The following TNR variants were observed in gnomAD, a reference collection of about 807,000 sequenced individuals.
TNR encodes the protein tenascin-R.
TNR carries 45 observed loss-of-function variants against 150.4 expected under a neutral mutation model. The ratio of observed to expected loss-of-function variants is 0.30; its 90% CI spans 0.24 to 0.38. The LOEUF is 0.38. TNR is among the 10% of genes least tolerant of loss of function. TNR has a pLI of 1.00. For missense variants in TNR, 1,544 were observed against 1,759.1 expected (o/e 0.88, Z 2.19); for synonymous variants, 687 against 678.4 (o/e 1.01, Z -0.20).
At chr1:175,729,558 A>C (rs113864062) in intron 1 of TNR, among the ~76,000 whole-genome samples, 3 of 151,968 alleles carry the variant, frequency 2.0e-5, no homozygotes, top group Non-Finnish European at 4.4e-5. Context: ...CTCCCAAAAC[A>C]CTGGGATTAC....
chr1:175,447,651 A>G (rs1362037393), intron 2 of TNR, among the ~76,000 whole-genome samples: 1 of 152,206 alleles, frequency 6.6e-6, no homozygotes, highest in Non-Finnish European at 1.5e-5. Context: ...TTTTGGAAAC[A>G]TGATTTCTGT....
At chr1:175,611,621 T>A (rs61805155) in intron 1 of TNR, among the ~76,000 whole-genome samples, 51,315 of 152,058 alleles carry the variant, frequency 0.34, 8,833 homozygotes, top group East Asian at 0.51. Flanking sequence ...GGCATGAGCC[T>A]CTATGCCTGG....
intron 2 of TNR, among the ~76,000 whole-genome samples, chr1:175,447,413 A>C (rs1054534274): frequency 6.6e-6 from 1 of 152,138 alleles, no homozygotes; most frequent in East Asian, 1.9e-4. Context: ...AGGGAAAGGC[A>C]TGGGTCTTAC....
intron 2 of TNR, among the ~76,000 whole-genome samples, chr1:175,413,404 T>G (rs543605958): frequency 6.6e-5 from 10 of 152,362 alleles, no homozygotes; most frequent in South Asian, 6.2e-4. Context: ...TGCTGTGGCA[T>G]GTCTGGAAGT....
intron 1 of TNR, among the ~76,000 whole-genome samples, chr1:175,562,447 C>T (rs966860781): frequency 3.3e-5 from 5 of 152,190 alleles, no homozygotes; most frequent in African/African-American, 1.2e-4. Context: ...ATAATTTAAG[C>T]ACCTCTTGTA....
chr1:175,522,574 T>C (rs756441553), intron 2 of TNR, among the ~76,000 whole-genome samples: 5 of 152,148 alleles, frequency 3.3e-5, no homozygotes, highest in Non-Finnish European at 5.9e-5. Flanking sequence ...AAAAAAAAAT[T>C]GCTTTCTTAA....
In TNR at chr1:175,391,298, G is replaced by A. The variant is rs748427545; in HGVS notation, c.1497C>T (p.Ser499=). The A allele has an allele frequency of 5.6e-6, 9 of 1,613,658 alleles. No homozygotes were observed. Among genetic ancestry groups the A allele is most frequent in the African/African-American group, 1.3e-5 (1 of 74,894 alleles). The part of the protein sequence containing the change: ...EQARSPPTSA[S]VSTVIDGPTQ... ...GTTGGAGGCACTCACCTGTGGAGAC[G>A]CTGGCCGAGGTAGGGGGGCTGCGGG... The change falls in exon 7 of 23, where the codon AGC becomes AGT. Residue 499 remains serine, a synonymous_variant. Transcript: ENST00000367674.
At chr1:175,452,411 G>T (rs1191567523) in intron 2 of TNR, among the ~76,000 whole-genome samples, 1 of 152,262 alleles carries the variant, frequency 6.6e-6, no homozygotes, top group Non-Finnish European at 1.5e-5. Context: ...GGACTGCATG[G>T]GCACAGGGGG....
intron 1 of TNR, among the ~76,000 whole-genome samples, chr1:175,611,292 T>A (rs1571673927): frequency 6.6e-6 from 1 of 152,252 alleles, no homozygotes; most frequent in African/African-American, 2.4e-5. Context: ...TTTATTTTTT[T>A]ATTTTTCTAG....
At chr1:175,480,364 G>A (rs963500955) in intron 2 of TNR, among the ~76,000 whole-genome samples, 2 of 126,970 alleles carry the variant, frequency 1.6e-5, no homozygotes, top group Non-Finnish European at 3.2e-5. Context: ...GAAAGAAAGA[G>A]GGAGAGAGAA....
intron 1 of TNR, among the ~76,000 whole-genome samples, chr1:175,574,401 T>A (rs1317910785): frequency 6.6e-6 from 1 of 151,984 alleles, no homozygotes; most frequent in Non-Finnish European, 1.5e-5. Context: ...AAAAAGAGGA[T>A]CAAATGAAAG....
chr1:175,618,678 A>G (rs1364638490), intron 1 of TNR, among the ~76,000 whole-genome samples: 1 of 152,214 alleles, frequency 6.6e-6, no homozygotes, highest in Non-Finnish European at 1.5e-5. Flanking sequence ...GCCGTTGCTT[A>G]CAGCAGGGAG....
At chr1:175,638,901 A>G (rs1664566329) in intron 1 of TNR, among the ~76,000 whole-genome samples, 1 of 152,184 alleles carries the variant, frequency 6.6e-6, no homozygotes, top group South Asian at 2.1e-4. Context: ...AAAATACAGA[A>G]CTTTATTAAA....
intron 1 of TNR, among the ~76,000 whole-genome samples, chr1:175,536,956 C>G (rs777767075): frequency 7.9e-5 from 12 of 152,142 alleles, no homozygotes; most frequent in Non-Finnish European, 1.5e-4. Context: ...GGGAGTGCTC[C>G]CTAGCCTCCA....
At chr1:175,429,711 G>A (rs1655175520) in intron 2 of TNR, among the ~76,000 whole-genome samples, 2 of 152,158 alleles carry the variant, frequency 1.3e-5, no homozygotes, top group Admixed American at 1.3e-4. Flanking sequence ...TGGAATAGGT[G>A]GAGAAACTGG....
At chr1:175,433,184 G>A (rs900946264) in intron 2 of TNR, among the ~76,000 whole-genome samples, 6 of 152,150 alleles carry the variant, frequency 3.9e-5, no homozygotes, top group Non-Finnish European at 5.9e-5. Context: ...GTGCTGAACT[G>A]GATGTCTCTG....
chr1:175,570,450 G>A (rs1456171837), intron 1 of TNR, among the ~76,000 whole-genome samples: 2 of 152,084 alleles, frequency 1.3e-5, no homozygotes, highest in Admixed American at 1.3e-4. Context: ...TCATGTGCAG[G>A]GTAGACATGA....
At position 175,355,620 on chromosome 1, in the gene TNR, C is replaced by T. The variant is rs749496839; in HGVS notation, c.3132G>A (p.Pro1044=). 3.7e-6 allele frequency: 6 copies of T among 1,613,872 alleles called. No individual in the cohort carries two copies. Among genetic ancestry groups the T allele is most frequent in the Admixed American group, 1.7e-5 (1 of 59,992 alleles). ...STNFSTLLDP[P]ANLTASEVTR... ...TGACTTCACTGGCTGTCAGGTTTGC[C>T]GGAGGGTCCAGGACTGCAAAGAGGA... Residue 1044 remains proline, a synonymous_variant, in exon 17 of 23, where the codon CCG becomes CCA. Transcript: ENST00000367674.
At chr1:175,650,960 C>T (rs111214231) in intron 1 of TNR, among the ~76,000 whole-genome samples, 1 of 29,658 alleles carries the variant, frequency 3.4e-5, no homozygotes, top group Non-Finnish European at 7.0e-5. Context: ...TCATTACTCC[C>T]CCCCACCTCA....
Sources: gnomAD v4.1 joint callset for allele counts (sites outside exome capture counted in the v4.1 genomes callset) on GRCh38, gnomAD v4.1.1 for gene constraint, MANE v1.5 for transcripts, NCBI Gene and HGNC (gene_info 2026-07-23, HGNC 2026-07-21) for gene names.